The following UBAP2L variants were observed in gnomAD, a reference collection of about 807,000 sequenced individuals.
UBAP2L encodes ubiquitin-associated protein 2-like.
Under a neutral mutation model 130.6 loss-of-function variants are expected in UBAP2L, and 12 were observed. The ratio of observed to expected loss-of-function variants is 0.09; its 90% confidence interval spans 0.06 to 0.15. The LOEUF is 0.15. Among genes scored for constraint, UBAP2L ranks in the 10% least tolerant of loss-of-function variants. The probability of loss-of-function intolerance (pLI) is 1.00; values close to 1 mark genes in which losing one functional copy is unlikely to be tolerated. For synonymous variants in UBAP2L, 503 were observed against 524.7 expected (o/e 0.96, Z 0.57); for missense variants, 965 against 1,332.5 (o/e 0.72, Z 4.29).
At chr1:154,246,080 T>C in intron 10 of UBAP2L, 124 bp from the exon 11 acceptor site, 1 of 1,017,806 alleles carries the variant, frequency 9.8e-7, no homozygotes, top group Non-Finnish European at 1.4e-6. Flanking sequence ...AAGGCTTTTG[T>C]GTTTGAACCC....
At chr1:154,262,072 G>A (rs988644509) in intron 24 of UBAP2L, among the ~76,000 whole-genome samples, 2 of 152,266 alleles carry the variant, frequency 1.3e-5, no homozygotes, top group Admixed American at 6.5e-5. Context: ...TATTCACTGA[G>A]TAGAAGGATT....
Position 154,236,720 on chromosome 1 carries a change from G to A in UBAP2L, c.590+109G>A, listed in dbSNP as rs899035113. ...TTCTAGACTGGTCAGAAAGATATGG[G>A]GACTTAGGGCTCATTTCTTAGGGAT... On this transcript the variant is annotated intron_variant, in intron 7 of 26. Transcript: ENST00000428931. 61 of 1,168,862 alleles carry A rather than the reference G, an allele frequency of 5.2e-5. No homozygotes were observed. The East Asian group carries it at 1.4e-3, about 27-fold the overall frequency. The allele number at this position is 1,168,862 out of a possible 1,614,324, so 72.4% of individuals were successfully genotyped here. A position where few individuals can be genotyped will look rare whatever the true frequency, so the allele number is the denominator to read the frequency against.
At chr1:154,239,246 T>C (rs1310336390) in intron 8 of UBAP2L, among the ~76,000 whole-genome samples, 1 of 148,230 alleles carries the variant, frequency 6.7e-6, no homozygotes, top group Non-Finnish European at 1.5e-5. Flanking sequence ...TTTTCTTTTC[T>C]TTTTTTTTTG....
chr1:154,220,719 A>G (rs1571514086), upstream of UBAP2L: 1 of 393,400 alleles, frequency 2.5e-6, no homozygotes, highest in Non-Finnish European at 4.7e-6. Flanking sequence ...CACGTGGTGG[A>G]GGCAGGGCCG....
intron 4 of UBAP2L, among the ~76,000 whole-genome samples, chr1:154,233,721 G>A (rs1219318953): frequency 2.0e-5 from 3 of 150,768 alleles, no homozygotes; most frequent in African/African-American, 7.4e-5. Flanking sequence ...TAAATTTATG[G>A]GTGAGATTAG....
intron 11 of UBAP2L, among the ~76,000 whole-genome samples, chr1:154,246,581 T>G (rs1558173436): frequency 6.6e-6 from 1 of 152,192 alleles, no homozygotes; most frequent in Non-Finnish European, 1.5e-5. Flanking sequence ...TGAATATTCT[T>G]ATAAGAATAA....
intron 7 of UBAP2L, 31 bp from the exon 8 acceptor site, chr1:154,236,993 G>A: frequency 6.4e-7 from 1 of 1,567,818 alleles, no homozygotes; most frequent in Non-Finnish European, 8.8e-7. Flanking sequence ...CTGCTTAGAG[G>A]TCAGAGACTC....
chr1:154,249,378 C>A lies in UBAP2L; in HGVS notation c.1154C>A (p.Thr385Asn). 1 of 1,614,158 alleles carries A rather than the reference C, an allele frequency of 6.2e-7. No homozygotes were observed. Residue 385 changes from threonine (T) to asparagine (N), a missense_variant, in exon 12 of 27, where the codon ACC becomes AAC. Thr to Asn is a moderately conservative substitution (Grantham distance 65). Transcript: ENST00000428931. ...GCTCAGCATTCTCAGTCTGGAAGCA[C>A]CACCACCTCCTCTTGGGACATGGGC... Reference protein sequence around the residue: ...LAAQHSQSGSTTTSSWDMGST... With the variant: ...LAAQHSQSGSNTTSSWDMGST...
At chr1:154,239,400 A>G (rs745637845) in intron 8 of UBAP2L, among the ~76,000 whole-genome samples, 1 of 152,118 alleles carries the variant, frequency 6.6e-6, no homozygotes, top group Non-Finnish European at 1.5e-5. Flanking sequence ...ATCTGTGGAT[A>G]TGTCATTTTT....
downstream of UBAP2L, chr1:154,270,968 G>A (rs1684643957): frequency 1.2e-5 from 18 of 1,543,870 alleles, no homozygotes; most frequent in Non-Finnish European, 1.6e-5. Context: ...TGAAGGCAGT[G>A]GAATAAAATG....
intron 10 of UBAP2L, among the ~76,000 whole-genome samples, chr1:154,245,056 C>T (rs1330523473): frequency 8.5e-5 from 13 of 152,128 alleles, no homozygotes; most frequent in African/African-American, 2.7e-4. Flanking sequence ...CTCAGCCTCC[C>T]GAGTAGCTGG....
At chr1:154,232,335 AAG>A (rs1299939524) in intron 4 of UBAP2L, among the ~76,000 whole-genome samples, 9 of 151,304 alleles carry the variant, frequency 5.9e-5, no homozygotes, top group Admixed American at 6.6e-5. Flanking sequence ...AAAAAAAAAA[AAG>A]GAAAGAAATC....
intron 12 of UBAP2L, 58 bp downstream of exon 12, chr1:154,249,495 G>C (rs1676760960): frequency 6.2e-7 from 1 of 1,602,494 alleles, no homozygotes; most frequent in African/African-American, 1.3e-5. Flanking sequence ...CTGTCAAGAG[G>C]CTAGCAGGGG....
chr1:154,235,364 T>A (rs1418697858), intron 6 of UBAP2L, 73 bp downstream of exon 6: 7 of 658,988 alleles, frequency 1.1e-5, no homozygotes, highest in Non-Finnish European at 1.9e-5. Context: ...CTTTATTTTT[T>A]TTTTTTATTG....
In UBAP2L at chr1:154,268,971, T is replaced by A; in HGVS notation, c.3168+17T>A. On this transcript the variant is annotated intron_variant, in intron 26 of 26. Coordinates refer to ENST00000428931, the MANE Select transcript of UBAP2L (RefSeq NM_014847.4). Reference sequence around the variant, plus strand: ...GATGGCCAGGTAATAGCCCTTCCCCTTCTCTCCTTTCCCTTCCTCTTCCTT... The same window carrying A: ...GATGGCCAGGTAATAGCCCTTCCCCATCTCTCCTTTCCCTTCCTCTTCCTT... 6.2e-7 allele frequency: 1 copy of A among 1,607,526 alleles called. No homozygotes were observed. The highest frequency in any genetic ancestry group is 1.1e-5 in the South Asian group (1 of 90,762).
chr1:154,267,052 C>T (rs1053018320), intron 25 of UBAP2L, among the ~76,000 whole-genome samples: 10 of 151,956 alleles, frequency 6.6e-5, no homozygotes, highest in Non-Finnish European at 1.2e-4. Flanking sequence ...TTAAAGTTTG[C>T]TATAAAGCAC....
intron 11 of UBAP2L, among the ~76,000 whole-genome samples, chr1:154,247,746 T>TA (rs1432234492): frequency 2.0e-5 from 3 of 152,054 alleles, no homozygotes; most frequent in African/African-American, 7.2e-5. Context: ...AAATTTTTTT[T>TA]AAATAAAAAT....
rs138401687 is a variant in UBAP2L at position 154,261,666 on chromosome 1, G to A, written c.2871G>A (p.Pro957=). The change falls in exon 24 of 27, where the codon CCG becomes CCA. Residue 957 remains proline, a synonymous_variant. Coordinates refer to ENST00000428931, the MANE Select transcript of UBAP2L (RefSeq NM_014847.4). ...CATCGGCCACCCCTTTCCAACAGCC[G>A]AGTGGATATGGGTCTCATGGATACA... ...VNASATPFQQ[P]SGYGSHGYNT... The A allele has an allele frequency of 1.5e-4, 246 of 1,614,118 alleles. No homozygotes were observed. Among genetic ancestry groups the A allele is most frequent in the Admixed American group, 6.7e-4 (40 of 60,026 alleles).
chr1:154,228,534 C>A, intron 3 of UBAP2L, 81 bp from the exon 4 acceptor site: 1 of 1,062,376 alleles, frequency 9.4e-7, no homozygotes, highest in Non-Finnish European at 1.4e-6. Flanking sequence ...CAACTGATAG[C>A]GTTTCCCTTC....
Sources: allele counts gnomAD v4.1 joint callset (sites outside exome capture counted in the v4.1 genomes callset), GRCh38; gene constraint gnomAD v4.1.1; transcripts MANE v1.5; gene names NCBI Gene and HGNC (gene_info 2026-07-23, HGNC 2026-07-21).